PPARGC1A: variants seen among roughly 807,000 people sequenced by gnomAD.
PPARGC1A encodes peroxisome proliferator-activated receptor gamma coactivator 1-alpha.
A neutral mutation model predicts 88.7 loss-of-function variants in PPARGC1A; 25 were observed. The ratio of observed to expected loss-of-function variants is 0.28; its 90% CI spans 0.21 to 0.39. The LOEUF (loss-of-function observed/expected upper bound fraction) is 0.39, where lower values mean the gene tolerates loss of function less well. PPARGC1A is among the 10% of genes least tolerant of loss of function. The pLI, the probability that PPARGC1A is intolerant of heterozygous loss-of-function variation, is 1.00. For synonymous variants in PPARGC1A, 363 were observed against 355.6 expected (o/e 1.02, Z -0.24); for missense variants, 880 against 968.7 (o/e 0.91, Z 1.22).
At chr4:24,109,238 C>T in the PPARGC1A span, among the ~76,000 whole-genome samples, 1 of 148,246 alleles carries the variant, frequency 6.7e-6, no homozygotes, top group African/African-American at 2.5e-5. Flanking sequence ...TCACATTTCC[C>T]CAACTCCTTA....
At chr4:24,454,607 G>A in the PPARGC1A span, among the ~76,000 whole-genome samples, 1 of 152,022 alleles carries the variant, frequency 6.6e-6, no homozygotes, top group Non-Finnish European at 1.5e-5. Flanking sequence ...GTGTGGTGGT[G>A]CATGCCTATA....
At chr4:23,931,466 T>A in the PPARGC1A span, among the ~76,000 whole-genome samples, 2 of 152,204 alleles carry the variant, frequency 1.3e-5, no homozygotes, top group Middle Eastern at 6.8e-3. Flanking sequence ...ACTTTAGATT[T>A]TTAATTTAAA....
chr4:24,361,394 C>T, the PPARGC1A span, among the ~76,000 whole-genome samples: 1 of 152,150 alleles, frequency 6.6e-6, no homozygotes, highest in Non-Finnish European at 1.5e-5. Context: ...GTCAACAAGA[C>T]CTGAAATGAA....
the PPARGC1A span, among the ~76,000 whole-genome samples, chr4:24,135,421 C>T: frequency 1.3e-5 from 2 of 152,168 alleles, no homozygotes; most frequent in African/African-American, 2.4e-5. Flanking sequence ...ACACCCATCA[C>T]CACGGAGAGC....
At chr4:23,894,221 G>C (rs1313255046), upstream of PPARGC1A, among the ~76,000 whole-genome samples, 1 of 152,114 alleles carries the variant, frequency 6.6e-6, no homozygotes, top group African/African-American at 2.4e-5. Flanking sequence ...AGAAAGCAAA[G>C]GGGCCTGCCT....
the PPARGC1A span, among the ~76,000 whole-genome samples, chr4:24,035,113 A>G: frequency 6.6e-6 from 1 of 152,188 alleles, no homozygotes; most frequent in East Asian, 1.9e-4. Flanking sequence ...TATCCGGGAG[A>G]TAGTATATGT....
chr4:23,937,703 A>T, the PPARGC1A span, among the ~76,000 whole-genome samples: 107 of 152,158 alleles, frequency 7.0e-4, no homozygotes, highest in African/African-American at 2.6e-3. Flanking sequence ...GTTGGATATT[A>T]CTCTCCCACT....
intron 9 of PPARGC1A, 47 bp downstream of exon 9, chr4:23,812,974 C>T (rs753509448): frequency 6.2e-7 from 1 of 1,611,314 alleles, no homozygotes; most frequent in South Asian, 1.1e-5. Context: ...CTTGTCATCT[C>T]AAGGAGGGGA....
At chr4:24,268,341 C>T in the PPARGC1A span, among the ~76,000 whole-genome samples, 1 of 152,228 alleles carries the variant, frequency 6.6e-6, no homozygotes, top group African/African-American at 2.4e-5. Context: ...ATCCAGTCAG[C>T]TAACTCAGTT....
chr4:24,300,403 G>A, the PPARGC1A span, among the ~76,000 whole-genome samples: 1 of 114,750 alleles, frequency 8.7e-6, no homozygotes, highest in African/African-American at 3.3e-5. Flanking sequence ...TAGGCATATT[G>A]GCATATATAT....
chr4:24,154,331 T>C, the PPARGC1A span, among the ~76,000 whole-genome samples: 16 of 152,240 alleles, frequency 1.1e-4, no homozygotes, highest in African/African-American at 3.9e-4. Context: ...CCACAGGATC[T>C]GGACATGACA....
chr4:24,258,143 A>G, the PPARGC1A span: 2 of 818,706 alleles, frequency 2.4e-6, no homozygotes, highest in Non-Finnish European at 2.9e-6. Context: ...AAGAGCAGAC[A>G]TTTGGTATTT....
At chr4:23,973,701 G>A in the PPARGC1A span, among the ~76,000 whole-genome samples, 2 of 152,158 alleles carry the variant, frequency 1.3e-5, no homozygotes. Flanking sequence ...TAAACCAGTA[G>A]AATGGAGTTT....
At chr4:24,146,983 C>A in the PPARGC1A span, among the ~76,000 whole-genome samples, 1 of 152,196 alleles carries the variant, frequency 6.6e-6, no homozygotes. Flanking sequence ...CTATAGCCCC[C>A]ATGCCTGGAA....
the PPARGC1A span, among the ~76,000 whole-genome samples, chr4:24,188,303 G>C: frequency 6.6e-6 from 1 of 152,062 alleles, no homozygotes; most frequent in Non-Finnish European, 1.5e-5. Context: ...AACCGGTGCA[G>C]TAGGGAAGCC....
chr4:23,902,826 T>C (rs1190779002), upstream of PPARGC1A, among the ~76,000 whole-genome samples: 1 of 152,222 alleles, frequency 6.6e-6, no homozygotes, highest in Non-Finnish European at 1.5e-5. Context: ...GCTTTAGTTT[T>C]TGATGCCAAA....
chr4:23,907,661 T>C (rs1720207967), upstream of PPARGC1A, among the ~76,000 whole-genome samples: 1 of 152,190 alleles, frequency 6.6e-6, no homozygotes, highest in Non-Finnish European at 1.5e-5. Flanking sequence ...ACTAAGTAAA[T>C]GGTTGTAGAT....
chr4:23,848,039 C>A (rs888095543), intron 2 of PPARGC1A, among the ~76,000 whole-genome samples: 1 of 152,094 alleles, frequency 6.6e-6, no homozygotes, highest in Non-Finnish European at 1.5e-5. Context: ...AAATTGTCTT[C>A]CCTGGGCCTT....
chr4:24,425,834 T>G, the PPARGC1A span, among the ~76,000 whole-genome samples: 1 of 152,206 alleles, frequency 6.6e-6, no homozygotes, highest in African/African-American at 2.4e-5. Flanking sequence ...AATTCCTGAT[T>G]TTTTCCCCTT....
Sources: allele counts gnomAD v4.1 joint callset (sites outside exome capture counted in the v4.1 genomes callset), GRCh38; gene constraint gnomAD v4.1.1; transcripts MANE v1.5; gene names NCBI Gene and HGNC (gene_info 2026-07-23, HGNC 2026-07-21).